Variants in SLC22A23 observed in about 807,000 individuals in gnomAD.
SLC22A23 encodes solute carrier family 22 member 23, also known as ion transporter protein.
In SLC22A23, 26 loss-of-function variants were observed where a neutral mutation model predicts 61.0. That is an observed-to-expected ratio of 0.43 (90% CI 0.31 to 0.59). SLC22A23 has a LOEUF of 0.59. Ranked by LOEUF, SLC22A23 falls within the 20% of genes least tolerant of loss-of-function variation. The probability of loss-of-function intolerance (pLI) is 0.11; values close to 1 mark genes in which losing one functional copy is unlikely to be tolerated. For missense variants in SLC22A23, 796 were observed against 934.7 expected, an observed-to-expected ratio of 0.85 and a Z score of 1.94; for synonymous variants, 430 against 413.9, an observed-to-expected ratio of 1.04 and a Z score of -0.47.
intron 1 of SLC22A23, among the ~76,000 whole-genome samples, chr6:3,429,332 A>C (rs1046549098): frequency 2.0e-5 from 3 of 152,232 alleles, no homozygotes; most frequent in African/African-American, 7.2e-5. Context: ...TAAGATATGG[A>C]CAAACATTGA....
intron 3 of SLC22A23, among the ~76,000 whole-genome samples, chr6:3,366,332 C>CAAAAAAAAAAAAAA (rs11387672): frequency 6.7e-5 from 5 of 74,162 alleles, no homozygotes; most frequent in Admixed American, 1.9e-4. Context: ...GACTCTGTCT[C>CAAAAAAAAAAAAAA]AAAAAAAAAA....
chr6:3,381,980 G>A (rs1028334237), intron 3 of SLC22A23, among the ~76,000 whole-genome samples: 4 of 152,132 alleles, frequency 2.6e-5, no homozygotes, highest in Admixed American at 2.6e-4. Context: ...GCAATGTTCC[G>A]CCTCACTTAC....
At position 3,286,999 on chromosome 6, in the gene SLC22A23, T is replaced by C; in HGVS notation, c.1406A>G (p.Tyr469Cys). ...VPLLENFYAD[Y>C]YTTASIALVS... ...CAGCGCGATGCTGGCCGTGGTATAG[T>C]AGTCAGCATAGAAGTTCTCCAGGAG... Residue 469 changes from tyrosine (Y) to cysteine (C), a missense_variant, in exon 7 of 10, where the codon TAC becomes TGC. Tyr to Cys is a radical substitution (Grantham distance 194). Coordinates refer to ENST00000406686, the MANE Select transcript of SLC22A23 (RefSeq NM_015482.2). The surrounding 1 kb of genome is among the most constrained non-coding windows in gnomAD (Gnocchi z 4.2). 1 of 1,614,140 alleles carries C rather than the reference T, an allele frequency of 6.2e-7. No individual in the cohort carries two copies.
chr6:3,302,706 G>A lies in SLC22A23; in HGVS notation c.1083-4488C>T, dbSNP rs551110350. Reference sequence around the variant, plus strand: ...TCCTTCACCCATTGGTTGTTCATGAGTATGTTGTTCAATTTCCATGTATTT... The same window carrying A: ...TCCTTCACCCATTGGTTGTTCATGAATATGTTGTTCAATTTCCATGTATTT... On this transcript the variant is annotated intron_variant, in intron 4 of 9. Coordinates refer to ENST00000406686, the MANE Select transcript of SLC22A23 (RefSeq NM_015482.2). 2.0e-5 allele frequency among the ~76,000 whole-genome samples: 3 copies of A among 152,240 alleles called. No individual in the cohort carries two copies. In the East Asian group the frequency reaches 5.8e-4, roughly 29 times the overall value.
At chr6:3,444,766 G>C in intron 1 of SLC22A23, 1 of 981,208 alleles carries the variant, frequency 1.0e-6, no homozygotes, top group South Asian at 4.7e-5. Flanking sequence ...GGTGCTTTTT[G>C]GTGGGGCTCC....
At chr6:3,341,724 C>A (rs1262252017) in intron 3 of SLC22A23, among the ~76,000 whole-genome samples, 2 of 151,190 alleles carry the variant, frequency 1.3e-5, no homozygotes, top group Non-Finnish European at 1.5e-5. Flanking sequence ...GAAGAAACCA[C>A]ACGCACAATT....
intron 9 of SLC22A23, among the ~76,000 whole-genome samples, chr6:3,277,581 T>G (rs928477404): frequency 7.2e-5 from 11 of 152,182 alleles, no homozygotes; most frequent in African/African-American, 2.7e-4. Context: ...AGGACACTTG[T>G]GTAGCCCGAA....
chr6:3,357,345 T>C (rs1445489175), intron 3 of SLC22A23, among the ~76,000 whole-genome samples: 2 of 152,208 alleles, frequency 1.3e-5, no homozygotes, highest in Non-Finnish European at 2.9e-5. Context: ...CTAATTTTTA[T>C]TTTTAAATGG....
chr6:3,384,856 G>A (rs1284945909), intron 3 of SLC22A23, among the ~76,000 whole-genome samples: 1 of 152,134 alleles, frequency 6.6e-6, no homozygotes, highest in Non-Finnish European at 1.5e-5. Context: ...AGTGTGAATG[G>A]GTGAACAAAA....
At chr6:3,367,239 T>C (rs1054505459) in intron 3 of SLC22A23, among the ~76,000 whole-genome samples, 1 of 152,202 alleles carries the variant, frequency 6.6e-6, no homozygotes, top group Non-Finnish European at 1.5e-5. Context: ...TCAAAGTACA[T>C]TTCCAAAACA....
intron 3 of SLC22A23, among the ~76,000 whole-genome samples, chr6:3,336,730 C>G (rs1257567894): frequency 6.6e-6 from 1 of 151,954 alleles, no homozygotes; most frequent in East Asian, 1.9e-4. Flanking sequence ...GCACAACTTC[C>G]ATGTGGAAAT....
intron 1 of SLC22A23, among the ~76,000 whole-genome samples, chr6:3,442,061 T>G (rs1333803124): frequency 1.3e-5 from 2 of 152,114 alleles, no homozygotes; most frequent in Non-Finnish European, 2.9e-5. Context: ...ACAAACAGAA[T>G]GTGGTGCAGG....
Position 3,320,585 on chromosome 6 carries a change from G to A in SLC22A23, c.1082+3249C>T, listed in dbSNP as rs542645044. Among the ~76,000 whole-genome samples, 164 of 152,296 alleles carry A rather than the reference G, an allele frequency of 1.1e-3. 2 individuals carry two copies. Among genetic ancestry groups the A allele is most frequent in the African/African-American group, 1.0e-3 (43 of 41,552 alleles). On this transcript the variant is annotated intron_variant, in intron 4 of 9. Coordinates refer to ENST00000406686, the MANE Select transcript of SLC22A23 (RefSeq NM_015482.2). Reference sequence around the variant, plus strand: ...CCAACAGCTGGTCATGCTGGCTGGTGCTACAGCTCACCCCCTCTCCACAGC... The same window carrying A: ...CCAACAGCTGGTCATGCTGGCTGGTACTACAGCTCACCCCCTCTCCACAGC...
chr6:3,359,978 T>C (rs1765335983), intron 3 of SLC22A23, among the ~76,000 whole-genome samples: 1 of 152,250 alleles, frequency 6.6e-6, no homozygotes, highest in Non-Finnish European at 1.5e-5. Context: ...GAGGGAATCC[T>C]GAAGACATTA....
rs534611692 is a variant in SLC22A23, at chr6:3,272,043, G to C, written c.*1012C>G. ...TCCCTGGAGTGATGTCTGAGGTGACGGCCATCCAAGCTGGTGATCTTCATG... is the reference window on the plus strand; with the variant it reads ...TCCCTGGAGTGATGTCTGAGGTGACCGCCATCCAAGCTGGTGATCTTCATG... On this transcript the variant is annotated 3_prime_UTR_variant, in exon 10 of 10. Coordinates refer to ENST00000406686, the MANE Select transcript of SLC22A23 (RefSeq NM_015482.2). The C allele has an allele frequency of 6.6e-6, 1 of 152,450 alleles. No homozygotes were observed. The allele number at this position is 152,450 out of a possible 1,614,324, so 9.4% of individuals were successfully genotyped here.
At chr6:3,375,753 A>G (rs1043772258) in intron 3 of SLC22A23, among the ~76,000 whole-genome samples, 5 of 152,218 alleles carry the variant, frequency 3.3e-5, no homozygotes, top group African/African-American at 1.2e-4. Flanking sequence ...CTTTGGACAC[A>G]TATACTTGGT....
At chr6:3,315,274 C>G (rs115613630) in intron 4 of SLC22A23, among the ~76,000 whole-genome samples, 1 of 152,140 alleles carries the variant, frequency 6.6e-6, no homozygotes, top group Non-Finnish European at 1.5e-5. Context: ...GCAGGGAGGT[C>G]GGGGGAGCAG....
At chr6:3,336,527 T>C (rs1763868007) in intron 3 of SLC22A23, among the ~76,000 whole-genome samples, 1 of 152,222 alleles carries the variant, frequency 6.6e-6, no homozygotes, top group African/African-American at 2.4e-5. Context: ...CACAGGCTGC[T>C]CTTCTCACAT....
intron 4 of SLC22A23, among the ~76,000 whole-genome samples, chr6:3,316,913 T>G (rs1365824259): frequency 6.6e-6 from 1 of 152,194 alleles, no homozygotes; most frequent in East Asian, 1.9e-4. Flanking sequence ...CATGCCCAGC[T>G]GCAAATTTTG....
Sources: gnomAD v4.1 joint callset for allele counts (sites outside exome capture counted in the v4.1 genomes callset) on GRCh38, gnomAD v4.1.1 for gene constraint, Gnocchi (gnomAD v3.1) non-coding constraint, MANE v1.5 for transcripts, NCBI Gene and HGNC (gene_info 2026-07-23, HGNC 2026-07-21) for gene names.